The following TNNI3K variants were observed in gnomAD, a reference collection of about 807,000 sequenced individuals.
The protein encoded by TNNI3K is serine/threonine-protein kinase TNNI3K.
In TNNI3K, 140 loss-of-function variants were observed where a neutral mutation model predicts 114.5. That is an observed-to-expected ratio of 1.22 (90% CI 1.07 to 1.41). The LOEUF is 1.41. TNNI3K is among the 40% of genes most tolerant of loss of function. The probability of loss-of-function intolerance (pLI) is 0.00; values close to 1 mark genes in which losing one functional copy is unlikely to be tolerated. For missense variants in TNNI3K, 1,125 were observed against 1,007.6 expected, an observed-to-expected ratio of 1.12 and a Z score of -1.58; for synonymous variants, 347 against 347.5, an observed-to-expected ratio of 1.00 and a Z score of 0.02.
At chr1:74,480,982 A>G in intron 21 of TNNI3K, 2 of 697,900 alleles carry the variant, frequency 2.9e-6, no homozygotes, top group South Asian at 3.2e-5. Context: ...TGGGGAAAAA[A>G]GCACAGACTA....
At position 74,369,291 on chromosome 1, in the gene TNNI3K, C is replaced by T. The variant is rs1382000902; in HGVS notation, c.1472+27C>T. 3.7e-6 allele frequency: 6 copies of T among 1,610,658 alleles called. No individual in the cohort carries two copies. The Admixed American group carries it at 8.4e-5, about 23-fold the overall frequency. ...TAAGCAAGCAAATGAAAAAATTTAA[C>T]ATCCAGGTGGAATTGTGACCTTTGA... On this transcript the variant is annotated intron_variant, in intron 15 of 24. Transcript: ENST00000326637.
intron 5 of TNNI3K, 37 bp downstream of exon 5, chr1:74,271,745 T>A: frequency 6.6e-7 from 1 of 1,518,210 alleles, no homozygotes; most frequent in Non-Finnish European, 9.0e-7. Flanking sequence ...AAACAAAGGT[T>A]ATTTACCTTT....
chr1:74,246,170 T>C lies in TNNI3K; in HGVS notation c.150-3289T>C, dbSNP rs1325749794. On this transcript the variant is annotated intron_variant, in intron 2 of 24. Coordinates refer to ENST00000326637, the MANE Select transcript of TNNI3K (RefSeq NM_015978.3). ...ATAAATGATAGAGCTATTTATGGTA[T>C]GGCAGTAACTTCACAAAATAACATG... Among the ~76,000 whole-genome samples, 5 of 152,374 alleles carry C rather than the reference T, an allele frequency of 3.3e-5. No homozygotes were observed. The East Asian group carries it at 7.7e-4, about 23-fold the overall frequency.
At chr1:74,236,648 T>C (rs927413406) in intron 2 of TNNI3K, among the ~76,000 whole-genome samples, 8 of 151,820 alleles carry the variant, frequency 5.3e-5, no homozygotes, top group Non-Finnish European at 1.2e-4. Flanking sequence ...TCTCTTGACA[T>C]TGAAAGGCTG....
chr1:74,249,934 A>G (rs1654826979), intron 3 of TNNI3K, among the ~76,000 whole-genome samples: 1 of 152,198 alleles, frequency 6.6e-6, no homozygotes, highest in Non-Finnish European at 1.5e-5. Context: ...AATGCCAAAG[A>G]TAAGATCTAA....
intron 5 of TNNI3K, among the ~76,000 whole-genome samples, chr1:74,292,550 G>A (rs1453612420): frequency 6.6e-6 from 1 of 151,518 alleles, no homozygotes; most frequent in Non-Finnish European, 1.5e-5. Context: ...TAGTTGTACT[G>A]TAAGCAAAGA....
At chr1:74,322,312 T>C (rs370103292) in intron 5 of TNNI3K, among the ~76,000 whole-genome samples, 8 of 152,218 alleles carry the variant, frequency 5.3e-5, no homozygotes, top group African/African-American at 1.9e-4. Context: ...GTGATTTTCC[T>C]ACTTTGTAAG....
At chr1:74,462,743 A>G (rs1460804681) in intron 20 of TNNI3K, among the ~76,000 whole-genome samples, 1 of 152,202 alleles carries the variant, frequency 6.6e-6, no homozygotes, top group Non-Finnish European at 1.5e-5. Context: ...ATATTTAGCA[A>G]TCAGGAATCT....
At chr1:74,462,903 A>G (rs1221295580) in intron 20 of TNNI3K, among the ~76,000 whole-genome samples, 1 of 152,232 alleles carries the variant, frequency 6.6e-6, no homozygotes, top group Non-Finnish European at 1.5e-5. Context: ...AGAGTTTTAA[A>G]AATAATAACT....
At position 74,543,951 on chromosome 1, in the gene TNNI3K, G is replaced by A. The variant is rs138299635; in HGVS notation, c.2477G>A (p.Arg826Gln). The A allele has an allele frequency of 4.8e-5, 78 of 1,613,118 alleles. No individual in the cohort carries two copies. Among genetic ancestry groups the A allele is most frequent in the Admixed American group, 8.4e-5 (5 of 59,842 alleles). Residue 826 changes from arginine (R) to glutamine (Q), a missense_variant, in exon 25 of 25, where the codon CGA becomes CAA. Arg to Gln is a conservative substitution (Grantham distance 43). Transcript: ENST00000326637. ...PMSSMHFHSC[R>Q]NSSSFEDSS ...AGCTCAATGCATTTTCATTCTTGCC[G>A]AAATAGTAGCAGCTTTGAGGACAGC...
intron 4 of TNNI3K, among the ~76,000 whole-genome samples, chr1:74,259,210 G>A (rs1009466237): frequency 6.6e-6 from 1 of 152,094 alleles, no homozygotes; most frequent in Non-Finnish European, 1.5e-5. Context: ...AAAGTCCCAC[G>A]ATCTTCCGTC....
chr1:74,502,451 G>GA (rs1471465541), intron 23 of TNNI3K, among the ~76,000 whole-genome samples: 5 of 152,276 alleles, frequency 3.3e-5, no homozygotes, highest in East Asian at 1.9e-4. Flanking sequence ...CTATTTAGTA[G>GA]AAAAAATGGT....
intron 5 of TNNI3K, among the ~76,000 whole-genome samples, chr1:74,290,683 G>T (rs1408642119): frequency 6.6e-6 from 1 of 151,720 alleles, no homozygotes; most frequent in Admixed American, 6.6e-5. Flanking sequence ...TTTAAGCTTT[G>T]TTGTGACACT....
chr1:74,457,876 A>T (rs1174120893), intron 20 of TNNI3K, among the ~76,000 whole-genome samples: 1 of 152,206 alleles, frequency 6.6e-6, no homozygotes, highest in Non-Finnish European at 1.5e-5. Flanking sequence ...CCTTATGACC[A>T]GTGAGATAGG....
At chr1:74,274,758 A>G (rs1205746889) in intron 5 of TNNI3K, among the ~76,000 whole-genome samples, 1 of 152,024 alleles carries the variant, frequency 6.6e-6, no homozygotes, top group East Asian at 1.9e-4. Flanking sequence ...ATCATAATGG[A>G]AAGTGCATTT....
At position 74,457,646 on chromosome 1, in the gene TNNI3K, A is replaced by G. The variant is rs148763480; in HGVS notation, c.2012-5795A>G. 1.8e-3 allele frequency among the ~76,000 whole-genome samples: 274 copies of G among 152,342 alleles called. 1 individual carries two copies. Among genetic ancestry groups the G allele is most frequent in the African/African-American group, 6.3e-3 (262 of 41,586 alleles). On this transcript the variant is annotated intron_variant, in intron 20 of 24. Coordinates refer to ENST00000326637, the MANE Select transcript of TNNI3K (RefSeq NM_015978.3). ...ACTTCTGGCAATTTTATATTGGTCA[A>G]AACTTACTAACAAAATATTGTAGCG...
chr1:74,444,557 T>A (rs2100680272), intron 20 of TNNI3K, among the ~76,000 whole-genome samples: 1 of 152,062 alleles, frequency 6.6e-6, no homozygotes, highest in East Asian at 1.9e-4. Context: ...GGAAAAACAT[T>A]CCATACTCAT....
At chr1:74,358,503 A>G (rs1661778295) in intron 11 of TNNI3K, among the ~76,000 whole-genome samples, 1 of 152,104 alleles carries the variant, frequency 6.6e-6, no homozygotes, top group Non-Finnish European at 1.5e-5. Context: ...CAGTAAAAAA[A>G]TAACTGAGAA....
intron 20 of TNNI3K, among the ~76,000 whole-genome samples, chr1:74,452,988 C>A (rs1008640670): frequency 5.9e-5 from 9 of 152,166 alleles, no homozygotes; most frequent in Admixed American, 1.3e-4. Flanking sequence ...TTCCAAAAAT[C>A]TTTCTTAATT....
Sources: gnomAD v4.1 joint callset for allele counts (sites outside exome capture counted in the v4.1 genomes callset) on GRCh38, gnomAD v4.1.1 for gene constraint, MANE v1.5 for transcripts, NCBI Gene and HGNC (gene_info 2026-07-23, HGNC 2026-07-21) for gene names.